ARB2A: variants seen among roughly 807,000 people sequenced by gnomAD.
The protein encoded by ARB2A is ARB2 cotranscriptional regulator A.
chr5:93,952,737 C>T, the ARB2A span, among the ~76,000 whole-genome samples: 1 of 152,270 alleles, frequency 6.6e-6, no homozygotes, highest in Non-Finnish European at 1.5e-5. Flanking sequence ...TTCTCTGTTA[C>T]TTTCCTTTTG....
the ARB2A span, among the ~76,000 whole-genome samples, chr5:93,909,005 T>A: frequency 6.6e-6 from 1 of 150,876 alleles, no homozygotes; most frequent in Admixed American, 6.6e-5. Flanking sequence ...GAATCTGAAA[T>A]TTTTTTCTGA....
chr5:93,667,452 C>A, the ARB2A span, among the ~76,000 whole-genome samples: 1 of 152,070 alleles, frequency 6.6e-6, no homozygotes, highest in Non-Finnish European at 1.5e-5. Flanking sequence ...GTTGAAAATT[C>A]TCTTTTTTTG....
At chr5:93,815,773 A>G in the ARB2A span, among the ~76,000 whole-genome samples, 1 of 152,080 alleles carries the variant, frequency 6.6e-6, no homozygotes, top group Non-Finnish European at 1.5e-5. Context: ...CTTAAAACCA[A>G]TTACTAGATT....
chr5:93,708,306 G>A, the ARB2A span, among the ~76,000 whole-genome samples: 1 of 152,082 alleles, frequency 6.6e-6, no homozygotes, highest in Admixed American at 6.5e-5. Context: ...TAAGCTCTAG[G>A]AAGGCGACAT....
At chr5:93,837,517 C>G in the ARB2A span, among the ~76,000 whole-genome samples, 1 of 152,030 alleles carries the variant, frequency 6.6e-6, no homozygotes, top group South Asian at 2.1e-4. Flanking sequence ...ATAAATCCCA[C>G]TAGATTGCTG....
At chr5:93,835,389 C>T in the ARB2A span, among the ~76,000 whole-genome samples, 1 of 152,304 alleles carries the variant, frequency 6.6e-6, no homozygotes, top group Admixed American at 6.5e-5. Flanking sequence ...TTTTCTGAAC[C>T]ATTGCCAAAT....
At chr5:94,071,808 T>G in the ARB2A span, among the ~76,000 whole-genome samples, 1 of 152,172 alleles carries the variant, frequency 6.6e-6, no homozygotes. Context: ...AATTTGGTAT[T>G]GTCTTATAAA....
the ARB2A span, among the ~76,000 whole-genome samples, chr5:93,846,975 G>C: frequency 3.2e-4 from 48 of 152,282 alleles, no homozygotes; most frequent in Non-Finnish European, 6.0e-4. Context: ...ACCCACAGTA[G>C]AACTTCTTTC....
the ARB2A span, among the ~76,000 whole-genome samples, chr5:94,030,855 G>A: frequency 7.9e-4 from 120 of 152,230 alleles, no homozygotes; most frequent in African/African-American, 2.8e-3. Flanking sequence ...ATAAAACGAG[G>A]TTGCCTCTCA....
the ARB2A span, among the ~76,000 whole-genome samples, chr5:93,771,476 G>C: frequency 6.6e-6 from 1 of 151,168 alleles, no homozygotes; most frequent in Non-Finnish European, 1.5e-5. Context: ...AAACTAAAGA[G>C]CTTCTGCACA....
chr5:93,916,734 T>C, the ARB2A span, among the ~76,000 whole-genome samples: 14 of 152,216 alleles, frequency 9.2e-5, no homozygotes, highest in Non-Finnish European at 1.9e-4. Flanking sequence ...AACAGCAAAC[T>C]AGAGGAAACA....
chr5:93,830,264 C>T, the ARB2A span, among the ~76,000 whole-genome samples: 1 of 131,288 alleles, frequency 7.6e-6, no homozygotes, highest in Non-Finnish European at 1.6e-5. Context: ...GACAGGATTA[C>T]ATATATGTGT....
At chr5:93,937,490 T>TA in the ARB2A span, among the ~76,000 whole-genome samples, 1 of 151,440 alleles carries the variant, frequency 6.6e-6, no homozygotes, top group South Asian at 2.1e-4. Context: ...CATGCACCTG[T>TA]AGTCCCAGCT....
chr5:94,029,974 A>T, the ARB2A span, among the ~76,000 whole-genome samples: 1 of 152,160 alleles, frequency 6.6e-6, no homozygotes, highest in African/African-American at 2.4e-5. Context: ...GGGGTGTCTT[A>T]CGTGGCAGCA....
At chr5:93,845,330 G>A in the ARB2A span, among the ~76,000 whole-genome samples, 5 of 152,264 alleles carry the variant, frequency 3.3e-5, no homozygotes, top group African/African-American at 1.2e-4. Context: ...AGGCTCCAGG[G>A]ATTAAGATTT....
chr5:93,773,422 G>C, the ARB2A span, among the ~76,000 whole-genome samples: 5 of 152,160 alleles, frequency 3.3e-5, no homozygotes, highest in Admixed American at 3.3e-4. Flanking sequence ...AAATGCTCCA[G>C]AGTACCTGTA....
At chr5:94,048,500 C>G in the ARB2A span, among the ~76,000 whole-genome samples, 1 of 152,160 alleles carries the variant, frequency 6.6e-6, no homozygotes, top group African/African-American at 2.4e-5. Context: ...TTAGCCTGCA[C>G]AGTCATGGAT....
the ARB2A span, among the ~76,000 whole-genome samples, chr5:93,673,773 C>T: frequency 5.9e-5 from 9 of 152,184 alleles, no homozygotes; most frequent in African/African-American, 1.7e-4. Flanking sequence ...TGTGATTAAA[C>T]GAGTCCTCTG....
At chr5:93,800,867 C>G in the ARB2A span, among the ~76,000 whole-genome samples, 4 of 152,014 alleles carry the variant, frequency 2.6e-5, no homozygotes, top group Admixed American at 1.3e-4. Context: ...CAATTTTTCT[C>G]TTTCATTTTT....
Sources: gnomAD v4.1 joint callset for allele counts (sites outside exome capture counted in the v4.1 genomes callset) on GRCh38, gnomAD v4.1.1 for gene constraint, MANE v1.5 for transcripts, NCBI Gene and HGNC (gene_info 2026-07-23, HGNC 2026-07-21) for gene names.